The following AGBL5 variants were observed in gnomAD, a reference collection of about 807,000 sequenced individuals.
AGBL5 encodes AGBL carboxypeptidase 5.
Under a neutral mutation model 88.0 loss-of-function variants are expected in AGBL5, and 51 were observed. The observed-to-expected ratio is 0.58, with a 90% CI of 0.46 to 0.73. The LOEUF (loss-of-function observed/expected upper bound fraction) is 0.73. AGBL5 is among the 30% of genes least tolerant of loss of function. AGBL5 has a pLI of 0.00. For missense variants in AGBL5, 1,031 were observed against 1,162.2 expected, an observed-to-expected ratio of 0.89 and a Z score of 1.64; for synonymous variants, 446 against 438.8, an observed-to-expected ratio of 1.02 and a Z score of -0.21.
intron 11 of AGBL5, 28 bp downstream of exon 11, chr2:27,059,432 A>G (rs753571369): frequency 2.5e-6 from 4 of 1,613,504 alleles, no homozygotes; most frequent in Non-Finnish European, 8.5e-7. Flanking sequence ...CCCCTGCAAC[A>G]TGTGTTCGGT....
intron 11 of AGBL5, chr2:27,060,894 CA>C (rs1668685212): frequency 2.0e-5 from 3 of 152,218 alleles, no homozygotes; most frequent in African/African-American, 7.2e-5. Context: ...TTAATCCTCA[CA>C]AAGACGCTAT....
Position 27,059,360 on chromosome 2 carries a change from C to G in AGBL5, c.2045C>G (p.Ser682Cys). The change falls in exon 11 of 15, where the codon TCT becomes TGT. Residue 682 changes from serine to cysteine, a missense_variant. By Grantham distance (112) the Ser-to-Cys change is moderately radical. Transcript: ENST00000360131. ...SRPAGLPGLG[S>C]STQKVTHRVL... ...CCTGCAGGGCTGCCAGGCCTGGGCT[C>G]TAGTACCCAAAAGGTCACCCACCGG... 1 of 1,614,216 alleles carries G rather than the reference C, an allele frequency of 6.2e-7. No individual in the cohort carries two copies. The highest frequency in any genetic ancestry group is 2.2e-5 in the East Asian group (1 of 44,888).
Position 27,056,771 on chromosome 2 carries a change from A to G in AGBL5, c.1514A>G (p.Lys505Arg). 6.2e-7 allele frequency: 1 copy of G among 1,612,456 alleles called. No individual in the cohort carries two copies. The highest frequency in any genetic ancestry group is 8.5e-7 in the Non-Finnish European group (1 of 1,178,948). Residue 505 changes from lysine to arginine, a missense_variant, in exon 8 of 15, where the codon AAA becomes AGA. Lys to Arg is a conservative substitution (Grantham distance 26). Transcript: ENST00000360131. ...GGAAGCGGCCGTGTTGCAATCTACA[A>G]AGCCTCAGGGATAATCCACAGGTTG... The part of the protein sequence containing the change: ...KEGSGRVAIY[K>R]ASGIIHSYTL...
In AGBL5 at chr2:27,053,774, T is replaced by C; in HGVS notation, c.388-122T>C. The C allele has an allele frequency of 7.0e-7, 1 of 1,428,434 alleles. No individual in the cohort carries two copies. The highest frequency in any genetic ancestry group is 1.4e-5 in the South Asian group (1 of 71,384). 88.5% of individuals were successfully genotyped at this position (1,428,434 alleles called of 1,614,324 possible). On this transcript the variant is annotated intron_variant, in intron 3 of 14. Coordinates refer to ENST00000360131, the MANE Select transcript of AGBL5 (RefSeq NM_021831.6). This position sits in a 1 kb window ranked among gnomAD's most constrained non-coding sequence, Gnocchi z 4.9. ...AAGGAGCCACTTTTCATATAGAAAG[T>C]GTCACAGGGAGGGAAGTTGGTAAAG...
intron 11 of AGBL5, chr2:27,059,629 T>G (rs1668613027): frequency 9.8e-7 from 1 of 1,020,738 alleles, no homozygotes; most frequent in Non-Finnish European, 1.4e-6. Flanking sequence ...GTATCTGGGC[T>G]TCAGTGCATG....
Position 27,054,946 on chromosome 2 carries a change from C to T in AGBL5, c.730-129C>T, listed in dbSNP as rs996645347. The T allele has an allele frequency of 1.8e-5, 27 of 1,481,870 alleles. No individual in the cohort carries two copies. In the African/African-American group the frequency reaches 2.2e-4, roughly 12 times the overall value. The allele number at this position is 1,481,870 out of a possible 1,614,324, so 91.8% of individuals were successfully genotyped here. On this transcript the variant is annotated intron_variant, in intron 5 of 14. Coordinates refer to ENST00000360131, the MANE Select transcript of AGBL5 (RefSeq NM_021831.6). ...CGTGCGGCAAGGGTGATGGCCCCTGCTCCACTTGCAGATTCAGCCAGCTGG... is the reference window on the plus strand; with the variant it reads ...CGTGCGGCAAGGGTGATGGCCCCTGTTCCACTTGCAGATTCAGCCAGCTGG...
At position 27,070,600 on chromosome 2, in the gene AGBL5, TA is replaced by T. The variant is rs1330878436; in HGVS notation, c.*341del. On this transcript the variant is annotated 3_prime_UTR_variant, in exon 15 of 15. Coordinates refer to ENST00000360131, the MANE Select transcript of AGBL5 (RefSeq NM_021831.6). ...AGGATTAAGGAAGACTCTGAGGAAA[TA>T]AAAGTTGTTTGGAAAAATCCAGGTG... The T allele has an allele frequency of 4.4e-6, 1 of 226,014 alleles. No individual in the cohort carries two copies. The highest frequency in any genetic ancestry group is 8.7e-6 in the Non-Finnish European group (1 of 114,494). The allele number at this position is 226,014 out of a possible 1,614,324, so 14.0% of individuals were successfully genotyped here.
chr2:27,062,517 T>G (rs892768347), intron 11 of AGBL5: 4 of 152,228 alleles, frequency 2.6e-5, no homozygotes, highest in Admixed American at 2.6e-4. Flanking sequence ...GAAGGACATG[T>G]ATTCTATTTC....
Position 27,057,448 on chromosome 2 carries a change from C to T in AGBL5, c.1671+10C>T. ...GGAACTATTTGAGCAGGTATGAATA[C>T]ATGGTGTAAGTGGGAAAAGGGAGAA... is the stretch of plus-strand genomic sequence containing the variant. On this transcript the variant is annotated intron_variant, in intron 9 of 14. Transcript: ENST00000360131. The T allele has an allele frequency of 6.3e-7, 1 of 1,594,742 alleles. No individual in the cohort carries two copies. Among genetic ancestry groups the T allele is most frequent in the Non-Finnish European group, 8.6e-7 (1 of 1,168,220 alleles).
At chr2:27,068,936 A>AGGTCATTTGCTT in intron 13 of AGBL5, 192 bp downstream of exon 13, 1 of 1,496,642 alleles carries the variant, frequency 6.7e-7, no homozygotes, top group Non-Finnish European at 8.9e-7. Context: ...CCCATCAGCC[A>AGGTCATTTGCTT]GGTCATTTGC....
Position 27,070,387 on chromosome 2 carries a change from C to A in AGBL5, c.*124C>A. ...CGTTAAGTCCTTGGAATGCCAGCCACGCTGTCCAAGGCATTACAGAGTATC... is the reference window on the plus strand; with the variant it reads ...CGTTAAGTCCTTGGAATGCCAGCCAAGCTGTCCAAGGCATTACAGAGTATC... On this transcript the variant is annotated 3_prime_UTR_variant, in exon 15 of 15. Coordinates refer to ENST00000360131, the MANE Select transcript of AGBL5 (RefSeq NM_021831.6). 2 of 1,023,774 alleles carry A rather than the reference C, an allele frequency of 2.0e-6. No individual in the cohort carries two copies. The highest frequency in any genetic ancestry group is 2.9e-6 in the Non-Finnish European group (2 of 679,392). The allele number at this position is 1,023,774 out of a possible 1,614,324, so 63.4% of individuals were successfully genotyped here.
chr2:27,052,490 G>A (rs1006278684), intron 1 of AGBL5: 10 of 153,492 alleles, frequency 6.5e-5, no homozygotes, highest in African/African-American at 2.4e-4. Flanking sequence ...GTGCTGGAGA[G>A]TGCAGAGCCA....
At chr2:27,056,174 G>A in intron 7 of AGBL5, 36 bp downstream of exon 7, 2 of 1,591,306 alleles carry the variant, frequency 1.3e-6, no homozygotes, top group Non-Finnish European at 1.7e-6. Context: ...AGTGTGAGAA[G>A]TGTTACAGGT....
Position 27,054,038 on chromosome 2 carries a change from A to C in AGBL5, c.530A>C (p.Glu177Ala). ...LLNQLDQRFP[E>A]NHPTHSSPLD... ...AACCAGCTAGACCAGCGCTTTCCGG[A>C]GAACCACCCTACCCATAGCAGGTGC... Residue 177 changes from glutamate (E) to alanine (A), a missense_variant, in exon 4 of 15, where the codon GAG becomes GCG. By Grantham distance (107) the Glu-to-Ala change is moderately radical. Around this residue, in one of 2 missense-constraint regions of AGBL5, gnomAD observed 540 missense variants for 678.2 expected, o/e 0.80. Coordinates refer to ENST00000360131, the MANE Select transcript of AGBL5 (RefSeq NM_021831.6). 6.2e-7 allele frequency: 1 copy of C among 1,613,752 alleles called. No homozygotes were observed. The highest frequency in any genetic ancestry group is 1.1e-5 in the South Asian group (1 of 91,032).
rs758037536 is a variant in AGBL5, at chr2:27,070,263, A to G, written c.2661A>G (p.Ter887TrpextTer1). Residue 887 changes from the stop codon to tryptophan (W), a stop_lost, in exon 15 of 15, where the codon TGA becomes TGG. Coordinates refer to ENST00000360131, the MANE Select transcript of AGBL5 (RefSeq NM_021831.6). ...SPPLTVSPRV* is the reference protein window; with the variant it reads ...SPPLTVSPRVW The stretch of plus-strand genomic sequence containing the variant: ...CACTGACTGTTTCTCCCCGGGTCTG[A>G]TAATGCCTTTATGTTCAAGCCCAGG... The G allele has an allele frequency of 9.3e-6, 15 of 1,614,120 alleles. No individual in the cohort carries two copies. The Admixed American group carries it at 2.3e-4, about 25-fold the overall frequency.
At chr2:27,056,895 C>T in intron 8 of AGBL5, 103 bp downstream of exon 8, 1 of 1,321,714 alleles carries the variant, frequency 7.6e-7, no homozygotes, top group Non-Finnish European at 1.0e-6. Context: ...ACTGAGGAGG[C>T]TGAGGCAGGA....
rs1342541671 is a variant in AGBL5 at position 27,055,710 on chromosome 2, C to T, written c.937C>T (p.Arg313Cys). 9.3e-6 allele frequency: 15 copies of T among 1,613,726 alleles called. No individual in the cohort carries two copies. The highest frequency in any genetic ancestry group is 1.7e-5 in the Admixed American group (1 of 60,002). The stretch of plus-strand genomic sequence containing the variant: ...AGACTCACGTGGAGTGAATCTGAAC[C>T]GTCAGTACCTGAAGCCTGATGCCGT... ...RTDSRGVNLN[R>C]QYLKPDAVLH... Residue 313 changes from arginine to cysteine, a missense_variant, in exon 7 of 15, where the codon CGT becomes TGT. Arg to Cys is a radical substitution (Grantham distance 180). This residue lies in a region of AGBL5 where 540 missense variants were observed against 678.2 expected (regional missense o/e 0.80). Coordinates refer to ENST00000360131, the MANE Select transcript of AGBL5 (RefSeq NM_021831.6).
At chr2:27,057,474 A>G (rs1420176941) in intron 9 of AGBL5, 36 bp downstream of exon 9, 8 of 1,559,494 alleles carry the variant, frequency 5.1e-6, no homozygotes, top group Non-Finnish European at 7.0e-6. Flanking sequence ...AAAGGGAGAA[A>G]CCTTACAGTC....
In AGBL5 at chr2:27,062,119, CTT is replaced by C. The variant is rs11295283; in HGVS notation, c.2089+2735_2089+2736del. Among the ~76,000 whole-genome samples, 619 of 88,828 alleles carry C rather than the reference CTT, an allele frequency of 7.0e-3. 2 individuals are homozygous for C. The highest frequency in any genetic ancestry group is 0.019 in the Middle Eastern group (2 of 104). 58.3% of individuals were successfully genotyped at this position (88,828 alleles called of 152,430 possible). Reference sequence around the variant, plus strand: ...CATGAACCACTGTGCCCATCTAGGCCTTTTTTTTTTTTTTTTTTTTTGAGACG... The same window carrying C: ...CATGAACCACTGTGCCCATCTAGGCCTTTTTTTTTTTTTTTTTTTGAGACG... On this transcript the variant is annotated intron_variant, in intron 11 of 14. Transcript: ENST00000360131.
Sources: allele counts gnomAD v4.1 joint callset (sites outside exome capture counted in the v4.1 genomes callset), GRCh38; gene constraint gnomAD v4.1.1; regional missense constraint gnomAD v4.1.1; non-coding constraint Gnocchi (gnomAD v3.1); transcripts MANE v1.5; gene names NCBI Gene and HGNC (gene_info 2026-07-23, HGNC 2026-07-21).